Variants in CCDC181 observed in about 807,000 individuals in gnomAD.
The protein encoded by CCDC181 is coiled-coil domain containing 181, also known as coiled-coil domain-containing protein 181.
CCDC181 carries 35 observed loss-of-function variants against 58.7 expected under a neutral mutation model. The observed-to-expected ratio is 0.60, with a 90% CI of 0.46 to 0.79. The LOEUF is 0.79. Ranked by LOEUF, CCDC181 falls within the 30% of genes least tolerant of loss-of-function variation. The pLI is 0.00. For synonymous variants in CCDC181, 183 were observed against 197.5 expected (o/e 0.93, Z 0.62); for missense variants, 517 against 583.9 (o/e 0.89, Z 1.18).
intron 2 of CCDC181, among the ~76,000 whole-genome samples, chr1:169,453,644 C>T (rs1657607619): frequency 6.6e-6 from 1 of 151,814 alleles, no homozygotes; most frequent in Non-Finnish European, 1.5e-5. Flanking sequence ...CTTTTATTTT[C>T]GTTTTTGCTC....
intron 1 of CCDC181, chr1:169,460,113 T>C (rs1022078038): frequency 7.9e-5 from 12 of 152,132 alleles, no homozygotes; most frequent in Admixed American, 5.2e-4. Flanking sequence ...TGGAAAGGGT[T>C]GTTACCCCCT....
At chr1:169,423,518 T>A (rs1006124379) in intron 2 of CCDC181, among the ~76,000 whole-genome samples, 1 of 151,944 alleles carries the variant, frequency 6.6e-6, no homozygotes, top group African/African-American at 2.4e-5. Flanking sequence ...CATCCCCTTT[T>A]CCCAAAAGCC....
intron 2 of CCDC181, among the ~76,000 whole-genome samples, chr1:169,458,189 G>T (rs202199644): frequency 0.11 from 8,026 of 71,606 alleles, 257 homozygotes; most frequent in South Asian, 0.13. Flanking sequence ...TTTTTTTTTT[G>T]TTTTGTTTTT....
At chr1:169,459,741 A>G (rs1657785954) in intron 2 of CCDC181, 1 of 152,154 alleles carries the variant, frequency 6.6e-6, no homozygotes, top group South Asian at 2.1e-4. Context: ...GACACAAGCA[A>G]GAATTTCCAG....
At chr1:169,457,212 G>A (rs954692576) in intron 2 of CCDC181, among the ~76,000 whole-genome samples, 1 of 151,966 alleles carries the variant, frequency 6.6e-6, no homozygotes, top group Non-Finnish European at 1.5e-5. Flanking sequence ...ACTATTATGT[G>A]TCTAGTAGTT....
upstream of CCDC181, among the ~76,000 whole-genome samples, chr1:169,429,595 A>G (rs1322562127): frequency 6.6e-6 from 1 of 152,052 alleles, no homozygotes; most frequent in East Asian, 1.9e-4. Flanking sequence ...GGCCATTTGA[A>G]TATCTTATTT....
chr1:169,417,708 A>G (rs545248985), intron 4 of CCDC181, among the ~76,000 whole-genome samples: 1 of 152,260 alleles, frequency 6.6e-6, no homozygotes, highest in South Asian at 2.1e-4. Flanking sequence ...CCTAACCAGG[A>G]GCCCACCAAG....
intron 4 of CCDC181, among the ~76,000 whole-genome samples, chr1:169,399,330 A>C (rs963957868): frequency 2.0e-5 from 3 of 152,242 alleles, no homozygotes; most frequent in Non-Finnish European, 2.9e-5. Flanking sequence ...TGCACTGAAG[A>C]TAGAACCAAC....
intron 2 of CCDC181, chr1:169,454,537 C>A (rs999935422): frequency 3.9e-5 from 6 of 151,986 alleles, no homozygotes; most frequent in African/African-American, 1.4e-4. Context: ...TTCTGCTCAG[C>A]AGAAAATGTT....
chr1:169,457,515 A>T (rs1160718080), intron 2 of CCDC181, among the ~76,000 whole-genome samples: 1 of 152,172 alleles, frequency 6.6e-6, no homozygotes, highest in Non-Finnish European at 1.5e-5. Flanking sequence ...GTATAATCAA[A>T]CCAATTTTAC....
chr1:169,423,494 G>A (rs1656583079), intron 2 of CCDC181, among the ~76,000 whole-genome samples: 1 of 151,674 alleles, frequency 6.6e-6, no homozygotes, highest in Admixed American at 6.6e-5. Context: ...CCTCTTATGT[G>A]TCTCTAGCTC....
Position 169,395,112 on chromosome 1 carries a change from G to C in CCDC181, c.1465C>G (p.Gln489Glu). The stretch of plus-strand genomic sequence containing the variant: ...GACATATATAGGTGGTGCTGTAACT[G>C]TTTAGAACGCTTAGCTTCTAGTCGG... ...QLRLEAKRSK[Q>E]LQHHLYMSEA... Residue 489 changes from glutamine to glutamate, a missense_variant, in exon 6 of 6, where the codon CAG becomes GAG. Transcript: ENST00000367806. 1.9e-6 allele frequency: 3 copies of C among 1,613,740 alleles called. No individual in the cohort carries two copies. The highest frequency in any genetic ancestry group is 2.5e-6 in the Non-Finnish European group (3 of 1,179,868).
intron 4 of CCDC181, among the ~76,000 whole-genome samples, chr1:169,398,147 CAT>C: frequency 6.6e-6 from 1 of 152,082 alleles, no homozygotes; most frequent in Non-Finnish European, 1.5e-5. Flanking sequence ...CTAGAGATGA[CAT>C]AAAAATGTTC....
intron 4 of CCDC181, among the ~76,000 whole-genome samples, chr1:169,414,630 G>A (rs1300629894): frequency 6.6e-6 from 1 of 152,068 alleles, no homozygotes; most frequent in Non-Finnish European, 1.5e-5. Flanking sequence ...AACAACGTTG[G>A]AAAGACATTT....
At chr1:169,404,247 G>A (rs1283085494) in intron 4 of CCDC181, among the ~76,000 whole-genome samples, 1 of 152,148 alleles carries the variant, frequency 6.6e-6, no homozygotes, top group Non-Finnish European at 1.5e-5. Flanking sequence ...AGAGGAGCAG[G>A]TACCATTCCT....
upstream of CCDC181, among the ~76,000 whole-genome samples, chr1:169,427,897 C>T (rs1299530229): frequency 6.6e-6 from 1 of 152,104 alleles, no homozygotes; most frequent in East Asian, 1.9e-4. Flanking sequence ...AGCTTTGAGG[C>T]ATGTCAAAAT....
At chr1:169,397,190 T>C in intron 5 of CCDC181, 47 bp downstream of exon 5, 2 of 1,464,562 alleles carry the variant, frequency 1.4e-6, no homozygotes, top group Non-Finnish European at 1.8e-6. Flanking sequence ...ACTTTTAAAA[T>C]GAACATGAGG....
intron 2 of CCDC181, among the ~76,000 whole-genome samples, chr1:169,458,653 T>G (rs902344133): frequency 2.0e-5 from 3 of 152,178 alleles, no homozygotes; most frequent in Non-Finnish European, 4.4e-5. Flanking sequence ...ATTGTTACTT[T>G]CTTGGTACTT....
At chr1:169,454,717 A>G (rs1657638426) in intron 2 of CCDC181, 1 of 151,668 alleles carries the variant, frequency 6.6e-6, no homozygotes, top group South Asian at 2.1e-4. Flanking sequence ...AAAGTATAAA[A>G]TAATAAAACT....
Sources: allele counts gnomAD v4.1 joint callset (sites outside exome capture counted in the v4.1 genomes callset), GRCh38; gene constraint gnomAD v4.1.1; transcripts MANE v1.5; gene names NCBI Gene and HGNC (gene_info 2026-07-23, HGNC 2026-07-21).